Variants in ZNF382 observed in about 807,000 individuals in gnomAD.
The protein encoded by ZNF382 is zinc finger protein 382, also known as KRAB/zinc finger suppressor protein 1.
ZNF382 carries 20 observed loss-of-function variants against 38.8 expected under a neutral mutation model. That is an observed-to-expected ratio of 0.51 (90% CI 0.36 to 0.75). The LOEUF (loss-of-function observed/expected upper bound fraction) is 0.75. ZNF382 is among the 30% of genes least tolerant of loss of function. The pLI is 0.00. For synonymous variants in ZNF382, 202 were observed against 223.1 expected, an observed-to-expected ratio of 0.91 and a Z score of 0.84; for missense variants, 546 against 654.1, an observed-to-expected ratio of 0.83 and a Z score of 1.80.
chr19:36,624,109 A>G (rs779092594), intron 4 of ZNF382, among the ~76,000 whole-genome samples: 1 of 152,074 alleles, frequency 6.6e-6, no homozygotes, highest in Non-Finnish European at 1.5e-5. Context: ...AGGAAAGACT[A>G]TGTGAAAACT....
At chr19:36,607,846 C>CT (rs2037046965) in intron 2 of ZNF382, 1 of 518,408 alleles carries the variant, frequency 1.9e-6, no homozygotes. Flanking sequence ...GGTGCCTCAC[C>CT]TGCCTCACCC....
In ZNF382 at chr19:36,627,015, C is replaced by A; in HGVS notation, c.1118C>A (p.Thr373Lys). 6.2e-7 allele frequency: 1 copy of A among 1,610,040 alleles called. No individual in the cohort carries two copies. Among genetic ancestry groups the A allele is most frequent in the Non-Finnish European group, 8.5e-7 (1 of 1,178,764 alleles). Reference sequence around the variant, plus strand: ...GCCACCCTCACTAGACATCACAAAACACATACGGGGGAGAAAGCCTATGAA... The same window carrying A: ...GCCACCCTCACTAGACATCACAAAAAACATACGGGGGAGAAAGCCTATGAA... ...QKATLTRHHK[T>K]HTGEKAYECP... is the part of the protein sequence containing the mutation. Residue 373 changes from threonine (T) to lysine (K), a missense_variant, in exon 5 of 5, where the codon ACA becomes AAA. Thr to Lys is a moderately conservative substitution (Grantham distance 78). Transcript: ENST00000292928.
rs183788831 is a variant in ZNF382, at chr19:36,616,667, G to A, written c.232+5925G>A. On this transcript the variant is annotated intron_variant, in intron 4 of 4. Transcript: ENST00000292928. ...AGATTTTCAGATTTTCATTTGCCCT[G>A]TTATGTAATCTTATGGAAGCTGTGG... is the stretch of plus-strand genomic sequence containing the variant. Among the ~76,000 whole-genome samples the A allele has an allele frequency of 3.7e-3, 566 of 152,318 alleles. 5 individuals are homozygous for A. Among genetic ancestry groups the A allele is most frequent in the Admixed American group, 8.2e-3 (126 of 15,302 alleles).
rs1250964191 is a variant in ZNF382 at position 36,627,210 on chromosome 19, G to T, written c.1313G>T (p.Cys438Phe). 3 of 1,614,050 alleles carry T rather than the reference G, an allele frequency of 1.9e-6. No homozygotes were observed. Among genetic ancestry groups the T allele is most frequent in the Admixed American group, 1.7e-5 (1 of 59,990 alleles). The change falls in exon 5 of 5, where the codon TGC (cysteine) becomes TTC (phenylalanine). Residue 438 changes from cysteine to phenylalanine, a missense_variant. Cys to Phe is a radical substitution (Grantham distance 205, BLOSUM62 -2). Coordinates refer to ENST00000292928, the MANE Select transcript of ZNF382 (RefSeq NM_032825.5). ...RTHTGEKPYI[C>F]NECGKSFCQK... The stretch of plus-strand genomic sequence containing the variant: ...CACACAGGAGAGAAACCCTATATTT[G>T]CAATGAATGTGGGAAGTCCTTCTGC...
intron 4 of ZNF382, among the ~76,000 whole-genome samples, chr19:36,612,261 G>A (rs1282107627): frequency 6.6e-6 from 1 of 152,178 alleles, no homozygotes; most frequent in Non-Finnish European, 1.5e-5. Flanking sequence ...CTTCATGTCT[G>A]AGAGATTTAT....
intron 2 of ZNF382, 163 bp downstream of exon 2, chr19:36,607,785 A>G (rs1437916119): frequency 1.4e-6 from 1 of 713,652 alleles, no homozygotes; most frequent in African/African-American, 1.8e-5. Context: ...CATGAGGTGA[A>G]ATATTTAAGG....
chr19:36,620,709 A>C (rs1387258387), intron 4 of ZNF382, among the ~76,000 whole-genome samples: 1 of 152,176 alleles, frequency 6.6e-6, no homozygotes, highest in Non-Finnish European at 1.5e-5. Context: ...ATATATCAGA[A>C]ATAATAATTG....
In ZNF382 at chr19:36,631,138, G is replaced by A. The variant is rs2037251610; in HGVS notation, c.*3588G>A. On this transcript the variant is annotated 3_prime_UTR_variant, in exon 5 of 5. Transcript: ENST00000292928. ...ATACAGCATTGCATCACTTAATAGG[G>A]ATACATTCTGAGAAATGCATCATGA... is the stretch of plus-strand genomic sequence containing the variant. 6.6e-6 allele frequency: 1 copy of A among 151,882 alleles called. No homozygotes were observed. The highest frequency in any genetic ancestry group is 6.6e-5 in the Admixed American group (1 of 15,228). The allele number at this position is 151,882 out of a possible 1,614,324, so 9.4% of individuals were successfully genotyped here.
rs77174553 is a variant in ZNF382, at chr19:36,622,405, G to T, written c.233-3725G>T. 1.0e-2 allele frequency among the ~76,000 whole-genome samples: 1,517 copies of T among 152,294 alleles called. 31 individuals carry two copies. Among genetic ancestry groups the T allele is most frequent in the African/African-American group, 0.034 (1,430 of 41,548 alleles). On this transcript the variant is annotated intron_variant, in intron 4 of 4. Coordinates refer to ENST00000292928, the MANE Select transcript of ZNF382 (RefSeq NM_032825.5). ...ACAGTTACAGTTTGCTACAGGAAAA[G>T]ATTGAAATCAATCAAGGGAAGAAGG...
At chr19:36,618,336 C>T (rs751076342) in intron 4 of ZNF382, among the ~76,000 whole-genome samples, 82 of 152,242 alleles carry the variant, frequency 5.4e-4, no homozygotes, top group Non-Finnish European at 1.1e-3. Context: ...TCCTTCAGGG[C>T]TCTAGCTTTC....
In ZNF382 at chr19:36,626,392, TGG is replaced by T; in HGVS notation, c.496_497del (p.Gly166MetfsTer11). On this transcript the variant is annotated frameshift_variant, in exon 5 of 5. Coordinates refer to ENST00000292928, the MANE Select transcript of ZNF382 (RefSeq NM_032825.5). LOFTEE classifies it high-confidence loss of function. ...TAAAAGAGAAGTTTGGTGACAGTAC[TGG>T]ATGGGAGAAATCACTCCTCAATACC... is the stretch of plus-strand genomic sequence containing the variant. The part of the protein sequence containing the change: ...PIKEKFGDST[G>X]WEKSLLNTKH... 1 of 1,596,354 alleles carries T rather than the reference TGG, an allele frequency of 6.3e-7. No homozygotes were observed. Among genetic ancestry groups the T allele is most frequent in the Non-Finnish European group, 8.5e-7 (1 of 1,174,658 alleles).
chr19:36,620,243 A>G (rs2037158313), intron 4 of ZNF382, among the ~76,000 whole-genome samples: 1 of 152,088 alleles, frequency 6.6e-6, no homozygotes, highest in Non-Finnish European at 1.5e-5. Flanking sequence ...GAAGATCACA[A>G]TTTCTTTCCA....
At chr19:36,613,352 G>A (rs1261461123) in intron 4 of ZNF382, among the ~76,000 whole-genome samples, 5 of 150,860 alleles carry the variant, frequency 3.3e-5, no homozygotes, top group Admixed American at 2.6e-4. Flanking sequence ...CTTTTTCTAG[G>A]TATAGTGAGG....
chr19:36,620,851 C>G (rs1449251729), intron 4 of ZNF382, among the ~76,000 whole-genome samples: 1 of 151,922 alleles, frequency 6.6e-6, no homozygotes, highest in Non-Finnish European at 1.5e-5. Context: ...CTCCACCTCC[C>G]GAGTTCAAGT....
intron 3 of ZNF382, 33 bp from the exon 4 acceptor site, chr19:36,610,617 G>A (rs2037069665): frequency 6.3e-7 from 1 of 1,578,434 alleles, no homozygotes; most frequent in Non-Finnish European, 8.7e-7. Context: ...AGTCGAAACA[G>A]CTTAGACCAA....
chr19:36,627,281 A>C lies in ZNF382; in HGVS notation c.1384A>C (p.Lys462Gln). The stretch of plus-strand genomic sequence containing the variant: ...CCACCAGAGAATTCACACGGGGGAA[A>C]AACCCTATATTTGTAATGAATGTGG... ...TLHQRIHTGE[K>Q]PYICNECGKS... Residue 462 changes from lysine (K) to glutamine (Q), a missense_variant, in exon 5 of 5, where the codon AAA becomes CAA. Coordinates refer to ENST00000292928, the MANE Select transcript of ZNF382 (RefSeq NM_032825.5). 6.2e-7 allele frequency: 1 copy of C among 1,613,864 alleles called. No individual in the cohort carries two copies. The highest frequency in any genetic ancestry group is 8.5e-7 in the Non-Finnish European group (1 of 1,179,982).
chr19:36,613,021 G>C (rs1463739774), intron 4 of ZNF382, among the ~76,000 whole-genome samples: 1 of 152,174 alleles, frequency 6.6e-6, no homozygotes, highest in Non-Finnish European at 1.5e-5. Context: ...TCAAACTCCT[G>C]ACCTTGTCAT....
chr19:36,605,349 T>G lies in ZNF382; in HGVS notation c.-85+2T>G, dbSNP rs2037007941. Reference sequence around the variant, plus strand: ...ACCCTGGGCCGGGGGTGAGGCTTGGTGGGTGCCAGGGGTGCTGAGGAGGCC... The same window carrying G: ...ACCCTGGGCCGGGGGTGAGGCTTGGGGGGTGCCAGGGGTGCTGAGGAGGCC... On this transcript the variant is annotated splice_donor_variant, in intron 1 of 4. Transcript: ENST00000292928. LOFTEE classifies it low-confidence loss of function (5UTR_SPLICE). 1 of 152,626 alleles carries G rather than the reference T, an allele frequency of 6.6e-6. No homozygotes were observed. 9.5% of individuals were successfully genotyped at this position (152,626 alleles called of 1,614,324 possible).
At position 36,626,400 on chromosome 19, in the gene ZNF382, A is replaced by G. The variant is rs3108171; in HGVS notation, c.503A>G (p.Glu168Gly). ...KEKFGDSTGW[E>G]KSLLNTKHEK... ...AAGTTTGGTGACAGTACTGGATGGG[A>G]GAAATCACTCCTCAATACCAAGCAT... The change falls in exon 5 of 5, where the codon GAG (glutamate) becomes GGG (glycine). Residue 168 changes from glutamate (E) to glycine (G), a missense_variant. Glu to Gly is a moderately conservative substitution (Grantham distance 98). Coordinates refer to ENST00000292928, the MANE Select transcript of ZNF382 (RefSeq NM_032825.5). 998,434 of 1,596,614 alleles carry G rather than the reference A, an allele frequency of 0.63. 314,608 individuals carry two copies. The highest frequency in any genetic ancestry group is 0.82 in the East Asian group (36,897 of 44,768).
Sources: gnomAD v4.1 joint callset for allele counts (sites outside exome capture counted in the v4.1 genomes callset) on GRCh38, gnomAD v4.1.1 for gene constraint, MANE v1.5 for transcripts, NCBI Gene and HGNC (gene_info 2026-07-23, HGNC 2026-07-21) for gene names.